Variants in MKLN1 observed in about 807,000 individuals in gnomAD.
MKLN1 encodes muskelin.
MKLN1 carries 18 observed loss-of-function variants against 99.0 expected under a neutral mutation model. That is an observed-to-expected ratio of 0.18 (90% CI 0.13 to 0.27). The LOEUF (loss-of-function observed/expected upper bound fraction) is 0.27, where lower values mean the gene tolerates loss of function less well. Among genes scored for constraint, MKLN1 ranks in the 10% least tolerant of loss-of-function variants. The pLI, the probability that MKLN1 is intolerant of heterozygous loss-of-function variation, is 1.00. For missense variants in MKLN1, 621 were observed against 875.9 expected (o/e 0.71, Z 3.67); for synonymous variants, 288 against 293.2 (o/e 0.98, Z 0.18).
At chr7:131,364,067 TG>T (rs939207748) in intron 1 of MKLN1, among the ~76,000 whole-genome samples, 1 of 152,142 alleles carries the variant, frequency 6.6e-6, no homozygotes, top group African/African-American at 2.4e-5. Flanking sequence ...TCTAAACCTC[TG>T]CAGTATATGT....
In MKLN1 at chr7:131,443,471, G is replaced by T. The variant is rs199752616; in HGVS notation, c.1174-10G>T. ...CTAAAACTATTCAATCTGTTGCCTT[G>T]TTCTGATAGATGTGTATGGACTCAG... On this transcript the variant is annotated splice_polypyrimidine_tract_variant and intron_variant, in intron 10 of 17. Coordinates refer to ENST00000352689, the MANE Select transcript of MKLN1 (RefSeq NM_013255.5). 8 of 1,582,820 alleles carry T rather than the reference G, an allele frequency of 5.1e-6. No individual in the cohort carries two copies. The highest frequency in any genetic ancestry group is 8.7e-7 in the Non-Finnish European group (1 of 1,151,664).
At position 131,443,510 on chromosome 7, in the gene MKLN1, C is replaced by G. The variant is rs537316157; in HGVS notation, c.1203C>G (p.Ile401Met). Residue 401 changes from isoleucine to methionine, a missense_variant, in exon 11 of 18, where the codon ATC becomes ATG. This residue lies in a region of MKLN1 where 361 missense variants were observed against 540.8 expected (regional missense o/e 0.67). Transcript: ENST00000352689. ...GTATGGACTCAGAAAAACATATGATCTACACTTTTGGTGGTAGAATTTTGA... is the reference window on the plus strand; with the variant it reads ...GTATGGACTCAGAAAAACATATGATGTACACTTTTGGTGGTAGAATTTTGA... ...QMCMDSEKHM[I>M]YTFGGRILTC... 1 of 1,613,702 alleles carries G rather than the reference C, an allele frequency of 6.2e-7. No individual in the cohort carries two copies. Among genetic ancestry groups the G allele is most frequent in the Admixed American group, 1.7e-5 (1 of 60,016 alleles).
chr7:131,241,056 G>A (rs1228858238), intron 3 of MKLN1, among the ~76,000 whole-genome samples: 1 of 152,098 alleles, frequency 6.6e-6, no homozygotes, highest in African/African-American at 2.4e-5. Context: ...CATACATACT[G>A]AAAATCAGTC....
intron 17 of MKLN1, among the ~76,000 whole-genome samples, chr7:131,484,366 G>T (rs1797212934): frequency 6.6e-6 from 1 of 152,132 alleles, no homozygotes; most frequent in South Asian, 2.1e-4. Flanking sequence ...CCCTAGCTGT[G>T]AGACTTCACT....
chr7:131,184,184 A>T (rs898070120), intron 2 of MKLN1, among the ~76,000 whole-genome samples: 1 of 152,032 alleles, frequency 6.6e-6, no homozygotes, highest in African/African-American at 2.4e-5. Flanking sequence ...ATTCACAGGC[A>T]TGATCACAGG....
chr7:131,303,410 C>T (rs1584901747), intron 3 of MKLN1, among the ~76,000 whole-genome samples: 1 of 152,352 alleles, frequency 6.6e-6, no homozygotes, highest in Admixed American at 6.5e-5. Context: ...TTACTTTCTC[C>T]TGGAAAATAA....
At chr7:131,337,648 C>G (rs998068472) in intron 1 of MKLN1, among the ~76,000 whole-genome samples, 2 of 151,820 alleles carry the variant, frequency 1.3e-5, no homozygotes, top group African/African-American at 4.8e-5. Flanking sequence ...CTGAAAACTT[C>G]AATATCTGTA....
intron 3 of MKLN1, among the ~76,000 whole-genome samples, chr7:131,291,676 T>C (rs76355491): frequency 1.3e-5 from 2 of 149,458 alleles, no homozygotes; most frequent in African/African-American, 4.9e-5. Flanking sequence ...GGAATGATGA[T>C]GCGACTTTTC....
intron 12 of MKLN1, among the ~76,000 whole-genome samples, chr7:131,450,070 A>G (rs1007991477): frequency 1.2e-4 from 18 of 152,154 alleles, no homozygotes; most frequent in African/African-American, 4.3e-4. Context: ...ATTTTGCCTC[A>G]TCTTCTCTCT....
intron 1 of MKLN1, among the ~76,000 whole-genome samples, chr7:131,373,692 T>C (rs977947008): frequency 6.6e-6 from 1 of 152,226 alleles, no homozygotes; most frequent in Non-Finnish European, 1.5e-5. Flanking sequence ...ATAGTTACTA[T>C]ATATGTTCTT....
intron 1 of MKLN1, among the ~76,000 whole-genome samples, chr7:131,355,820 C>A (rs1799859426): frequency 6.6e-6 from 1 of 151,276 alleles, no homozygotes; most frequent in African/African-American, 2.4e-5. Flanking sequence ...GCCACCACAC[C>A]CAGCCTTGAT....
intron 3 of MKLN1, among the ~76,000 whole-genome samples, chr7:131,278,209 T>C (rs1798002399): frequency 6.6e-6 from 1 of 151,972 alleles, no homozygotes. Context: ...GGCTAATTTT[T>C]GTATTTTTTG....
rs183363989 is a variant in MKLN1 at position 131,449,659 on chromosome 7, T to C, written c.1525+3756T>C. 1.1e-3 allele frequency among the ~76,000 whole-genome samples: 173 copies of C among 151,832 alleles called. 2 individuals carry two copies. The highest frequency in any genetic ancestry group is 3.7e-3 in the African/African-American group (153 of 41,182). Reference sequence around the variant, plus strand: ...TATTCTCTTTTTTTCTGTTTTTTTTTCCCCTCATCTCTGCCTCTCTCACTT... The same window carrying C: ...TATTCTCTTTTTTTCTGTTTTTTTTCCCCCTCATCTCTGCCTCTCTCACTT... On this transcript the variant is annotated intron_variant, in intron 12 of 17. Transcript: ENST00000352689.
chr7:131,293,398 A>T (rs1798249692), intron 3 of MKLN1, among the ~76,000 whole-genome samples: 1 of 152,248 alleles, frequency 6.6e-6, no homozygotes, highest in African/African-American at 2.4e-5. Flanking sequence ...GCTAATGGTT[A>T]TAGTCATCTA....
intron 1 of MKLN1, among the ~76,000 whole-genome samples, chr7:131,126,179 C>T (rs753989055): frequency 1.3e-4 from 20 of 151,992 alleles, no homozygotes; most frequent in Non-Finnish European, 2.2e-4. Context: ...GGGTATATAA[C>T]GAGGCTTCCT....
At chr7:131,174,284 T>C (rs1489376429) in intron 2 of MKLN1, among the ~76,000 whole-genome samples, 1 of 152,194 alleles carries the variant, frequency 6.6e-6, no homozygotes, top group African/African-American at 2.4e-5. Context: ...TTAAAGACTT[T>C]TGATGCTCAT....
intron 6 of MKLN1, among the ~76,000 whole-genome samples, chr7:131,400,535 A>G (rs1794507185): frequency 6.7e-6 from 1 of 148,588 alleles, no homozygotes; most frequent in Non-Finnish European, 1.5e-5. Flanking sequence ...ATATATATAT[A>G]TATATGCCAT....
chr7:131,372,168 A>G (rs369932248), intron 1 of MKLN1, among the ~76,000 whole-genome samples: 9 of 151,984 alleles, frequency 5.9e-5, no homozygotes, highest in East Asian at 1.9e-4. Context: ...TGTGGTTCCA[A>G]TGTATCATAG....
At chr7:131,186,900 G>T (rs1392451129) in intron 2 of MKLN1, among the ~76,000 whole-genome samples, 1 of 152,208 alleles carries the variant, frequency 6.6e-6, no homozygotes, top group Non-Finnish European at 1.5e-5. Flanking sequence ...CTTCCAAGAG[G>T]CAGTATCATT....
Sources: allele counts gnomAD v4.1 joint callset (sites outside exome capture counted in the v4.1 genomes callset), GRCh38; gene constraint gnomAD v4.1.1; regional missense constraint gnomAD v4.1.1; transcripts MANE v1.5; gene names NCBI Gene and HGNC (gene_info 2026-07-23, HGNC 2026-07-21).